The following GRM7 variants were observed in gnomAD, a reference collection of about 807,000 sequenced individuals.
GRM7 encodes the protein glutamate metabotropic receptor 7.
GRM7 carries 35 observed loss-of-function variants against 84.5 expected under a neutral mutation model. The observed-to-expected ratio is 0.41, with a 90% CI of 0.32 to 0.55. The LOEUF (loss-of-function observed/expected upper bound fraction) is 0.55, where lower values mean the gene tolerates loss of function less well. GRM7 is among the 20% of genes least tolerant of loss of function. The pLI is 0.19. For missense variants in GRM7, 1,003 were observed against 1,194.6 expected (o/e 0.84, Z 2.36); for synonymous variants, 487 against 455.1 (o/e 1.07, Z -0.89).
chr3:7,722,022 A>T (rs921784015), intron 9 of GRM7, among the ~76,000 whole-genome samples: 11 of 152,210 alleles, frequency 7.2e-5, no homozygotes, highest in African/African-American at 2.7e-4. Context: ...CAATGGATGG[A>T]ATGTACTAGG....
At chr3:7,555,782 C>T (rs949403972) in intron 7 of GRM7, among the ~76,000 whole-genome samples, 1 of 152,162 alleles carries the variant, frequency 6.6e-6, no homozygotes, top group Non-Finnish European at 1.5e-5. Flanking sequence ...ACTCTGCTAA[C>T]TTTTTGCTTG....
intron 1 of GRM7, among the ~76,000 whole-genome samples, chr3:7,143,029 G>A (rs1293483077): frequency 6.6e-6 from 1 of 152,140 alleles, no homozygotes; most frequent in Non-Finnish European, 1.5e-5. Context: ...TATAGCTGCA[G>A]TGTTATCACA....
rs563560851 is a variant in GRM7 at position 7,089,330 on chromosome 3, A to C, written c.520-57122A>C. ...TAATATTATGTAATTTTCTTGCATC[A>C]GCTATAGTTCCATATAATAGAGTTG... On this transcript the variant is annotated intron_variant, in intron 1 of 9. Coordinates refer to ENST00000357716, the MANE Select transcript of GRM7 (RefSeq NM_000844.4). 6.6e-5 allele frequency among the ~76,000 whole-genome samples: 10 copies of C among 152,310 alleles called. No homozygotes were observed. In the East Asian group the frequency reaches 1.9e-3, roughly 29 times the overall value.
intron 1 of GRM7, among the ~76,000 whole-genome samples, chr3:7,133,943 G>A (rs1301847789): frequency 6.6e-6 from 1 of 152,028 alleles, no homozygotes; most frequent in Non-Finnish European, 1.5e-5. Context: ...GAATGCTGTG[G>A]GAATATGGAA....
chr3:7,677,273 A>AAAC (rs1700168301), intron 8 of GRM7, among the ~76,000 whole-genome samples: 3 of 123,786 alleles, frequency 2.4e-5, no homozygotes, highest in East Asian at 2.3e-4. Context: ...AAAAAAAAAA[A>AAAC]AAAAAAAAAA....
intron 7 of GRM7, among the ~76,000 whole-genome samples, chr3:7,527,255 G>C (rs886231604): frequency 1.3e-5 from 2 of 151,852 alleles, no homozygotes; most frequent in Non-Finnish European, 2.9e-5. Flanking sequence ...TTGGTTATAA[G>C]TATTTGTAGG....
At chr3:7,590,336 ACCTGTC>A (rs1362027421) in intron 8 of GRM7, among the ~76,000 whole-genome samples, 1 of 152,156 alleles carries the variant, frequency 6.6e-6, no homozygotes, top group Non-Finnish European at 1.5e-5. Flanking sequence ...CAGCCCATGG[ACCTGTC>A]CAATGAGTAA....
intron 7 of GRM7, among the ~76,000 whole-genome samples, chr3:7,474,590 C>A (rs548392111): frequency 6.9e-4 from 105 of 152,280 alleles, no homozygotes; most frequent in African/African-American, 2.5e-3. Context: ...CTTTGCACAG[C>A]TGTACAGCTA....
chr3:7,385,102 C>T (rs755078735), intron 4 of GRM7, among the ~76,000 whole-genome samples: 2 of 151,810 alleles, frequency 1.3e-5, no homozygotes, highest in Non-Finnish European at 2.9e-5. Flanking sequence ...TTAAAATGTG[C>T]GAACAATAAC....
At chr3:7,710,613 T>G (rs1298819575) in intron 9 of GRM7, among the ~76,000 whole-genome samples, 1 of 152,170 alleles carries the variant, frequency 6.6e-6, no homozygotes. Context: ...TGACACTCAT[T>G]TCTCAGCTTC....
intron 9 of GRM7, among the ~76,000 whole-genome samples, chr3:7,704,289 T>G (rs1701316762): frequency 6.6e-6 from 1 of 152,188 alleles, no homozygotes; most frequent in Non-Finnish European, 1.5e-5. Context: ...CAGGCTTGCT[T>G]TCATGAACAG....
chr3:7,064,505 C>CACATATACATATATATATATACACAGAT (rs1553612672), intron 1 of GRM7, among the ~76,000 whole-genome samples: 1 of 101,006 alleles, frequency 9.9e-6, no homozygotes, highest in African/African-American at 3.8e-5. Flanking sequence ...TATATATACA[C>CACATATACATATATATATATACACAGAT]ATATATATAT....
intron 1 of GRM7, among the ~76,000 whole-genome samples, chr3:7,015,693 C>T (rs1695537581): frequency 1.3e-5 from 2 of 152,170 alleles, no homozygotes; most frequent in Admixed American, 6.5e-5. Context: ...TTCCAACATT[C>T]CTCCTTCATG....
Position 7,614,817 on chromosome 3 carries a change from CTTA to C in GRM7, c.2451+35463_2451+35465del, listed in dbSNP as rs2125082802. 1.3e-5 allele frequency among the ~76,000 whole-genome samples: 2 copies of C among 152,208 alleles called. 1 individual carries two copies. Among genetic ancestry groups the C allele is most frequent in the South Asian group, 4.1e-4 (2 of 4,826 alleles). On this transcript the variant is annotated intron_variant, in intron 8 of 9. Coordinates refer to ENST00000357716, the MANE Select transcript of GRM7 (RefSeq NM_000844.4). ...AAGAGTAATTTAGTCAACCCCCTTC[CTTA>C]TTTTTATGTCATTGTGCCATATGCT...
chr3:6,894,633 C>T (rs529479717), intron 1 of GRM7, among the ~76,000 whole-genome samples: 4 of 152,080 alleles, frequency 2.6e-5, no homozygotes, highest in Admixed American at 2.0e-4. Context: ...CATGTGCACA[C>T]ATATAAGTAA....
At chr3:7,037,009 C>T (rs1696412837) in intron 1 of GRM7, among the ~76,000 whole-genome samples, 1 of 152,132 alleles carries the variant, frequency 6.6e-6, no homozygotes, top group South Asian at 2.1e-4. Flanking sequence ...TCTGATTTCT[C>T]CATCTGTGTC....
At chr3:7,499,353 T>C (rs987983615) in intron 7 of GRM7, among the ~76,000 whole-genome samples, 3 of 152,150 alleles carry the variant, frequency 2.0e-5, no homozygotes, top group Admixed American at 1.3e-4. Flanking sequence ...CACCCAGTTT[T>C]AAACGGAGAT....
At chr3:7,734,024 A>G (rs1170616219) in intron 9 of GRM7, among the ~76,000 whole-genome samples, 2 of 152,214 alleles carry the variant, frequency 1.3e-5, no homozygotes, top group Admixed American at 6.5e-5. Flanking sequence ...TATAAGTTCT[A>G]TAACAATAAA....
intron 1 of GRM7, among the ~76,000 whole-genome samples, chr3:6,955,801 C>T (rs1181843214): frequency 1.3e-5 from 2 of 149,230 alleles, no homozygotes; most frequent in Non-Finnish European, 3.0e-5. Context: ...GAGATCATGC[C>T]ACTGCACTCC....
Sources: allele counts gnomAD v4.1 joint callset (sites outside exome capture counted in the v4.1 genomes callset), GRCh38; gene constraint gnomAD v4.1.1; transcripts MANE v1.5; gene names NCBI Gene and HGNC (gene_info 2026-07-23, HGNC 2026-07-21).